The following ARFGAP1 variants were observed in gnomAD, a reference collection of about 807,000 sequenced individuals.
ARFGAP1 encodes ADP-ribosylation factor GTPase-activating protein 1.
Under a neutral mutation model 54.0 loss-of-function variants are expected in ARFGAP1, and 26 were observed. The ratio of observed to expected loss-of-function variants is 0.48; its 90% CI spans 0.35 to 0.67. The LOEUF is 0.67. ARFGAP1 is among the 30% of genes least tolerant of loss of function. ARFGAP1 has a pLI of 0.00. For synonymous variants in ARFGAP1, 248 were observed against 211.9 expected, an observed-to-expected ratio of 1.17 and a Z score of -1.48; for missense variants, 525 against 535.8, an observed-to-expected ratio of 0.98 and a Z score of 0.20.
At position 63,276,269 on chromosome 20, in the gene ARFGAP1, A is replaced by C; in HGVS notation, c.170+69A>C. ...CCCCAGCATCTGTTCCTGACACCAG[A>C]GGTGCTGACGCCAGGGAAGCTTGGG... On this transcript the variant is annotated intron_variant, in intron 3 of 12. Transcript: ENST00000370283. The surrounding 1 kb of genome is among the most constrained non-coding windows in gnomAD (Gnocchi z 5.2). The C allele has an allele frequency of 6.4e-7, 1 of 1,557,048 alleles. No individual in the cohort carries two copies. The highest frequency in any genetic ancestry group is 1.1e-5 in the South Asian group (1 of 89,692).
intron 7 of ARFGAP1, chr20:63,279,249 A>G (rs1276906556): frequency 5.2e-6 from 3 of 571,656 alleles, no homozygotes; most frequent in Non-Finnish European, 9.8e-6. Flanking sequence ...CCCAGGCTGC[A>G]GACTGGAGGG....
rs572015607 is a variant in ARFGAP1 at position 63,276,830 on chromosome 20, A to C, written c.342+179A>C. On this transcript the variant is annotated intron_variant, in intron 4 of 12. Transcript: ENST00000370283. The surrounding 1 kb of genome is among the most constrained non-coding windows in gnomAD (Gnocchi z 5.2). ...AGGCTTCCTGCCCAGAGGGGAGGCA[A>C]ATGGCTTGCGGGGGGAGACAGACCT... is the stretch of plus-strand genomic sequence containing the variant. 1.5e-6 allele frequency: 1 copy of C among 684,372 alleles called. No individual in the cohort carries two copies. Among genetic ancestry groups the C allele is most frequent in the African/African-American group, 1.8e-5 (1 of 55,556 alleles). The allele number at this position is 684,372 out of a possible 1,614,324, so 42.4% of individuals were successfully genotyped here.
intron 9 of ARFGAP1, chr20:63,284,111 C>CA: frequency 7.5e-7 from 1 of 1,328,644 alleles, no homozygotes; most frequent in South Asian, 2.0e-5. Flanking sequence ...TCCCCCCGGG[C>CA]AAAAAAATGA....
In ARFGAP1 at chr20:63,286,377, C is replaced by T. The variant is rs148572853; in HGVS notation, c.846C>T (p.Val282=). Residue 282 remains valine (V), a synonymous_variant, in exon 12 of 13, where the codon GTC becomes GTT. Transcript: ENST00000370283. ...CCGTCTCCTTCCAGGTCCAGGGAGT[C>T]GGTAGTAAGGGATGGCGGGACGTCA... ...VSQLASKVQG[V]GSKGWRDVTT... The T allele has an allele frequency of 4.5e-5, 73 of 1,613,324 alleles. No individual in the cohort carries two copies. Among genetic ancestry groups the T allele is most frequent in the Admixed American group, 2.5e-4 (15 of 60,002 alleles).
chr20:63,285,685 C>T lies in ARFGAP1; in HGVS notation c.806C>T (p.Ser269Phe). 6.2e-7 allele frequency: 1 copy of T among 1,613,672 alleles called. No homozygotes were observed. Among genetic ancestry groups the T allele is most frequent in the Non-Finnish European group, 8.5e-7 (1 of 1,179,998 alleles). ...GAGGGAAAGATTTTTGATGATGTCTCCAGTGGGGTCTCTCAGTTGGCGTCC... is the reference window on the plus strand; with the variant it reads ...GAGGGAAAGATTTTTGATGATGTCTTCAGTGGGGTCTCTCAGTTGGCGTCC... ...VKEGKIFDDV[S>F]SGVSQLASKV... The change falls in exon 11 of 13, where the codon TCC (serine) becomes TTC (phenylalanine). Residue 269 changes from serine (S) to phenylalanine (F), a missense_variant. Physicochemically the swap from Ser to Phe is radical, Grantham distance 155 (BLOSUM62 -2). This residue lies in a region of ARFGAP1 where 466 missense variants were observed against 453.6 expected (regional missense o/e 1.03). Coordinates refer to ENST00000370283, the MANE Select transcript of ARFGAP1 (RefSeq NM_018209.4).
At chr20:63,278,263 T>TAGGGTTCA in intron 6 of ARFGAP1, 60 bp downstream of exon 6, 2 of 1,564,398 alleles carry the variant, frequency 1.3e-6, no homozygotes, top group Non-Finnish European at 1.7e-6. Context: ...TTCAGTCTGG[T>TAGGGTTCA]GGGTAGGGCT....
At position 63,276,270 on chromosome 20, in the gene ARFGAP1, G is replaced by C; in HGVS notation, c.170+70G>C. The stretch of plus-strand genomic sequence containing the variant: ...CCCAGCATCTGTTCCTGACACCAGA[G>C]GTGCTGACGCCAGGGAAGCTTGGGG... On this transcript the variant is annotated intron_variant, in intron 3 of 12. Coordinates refer to ENST00000370283, the MANE Select transcript of ARFGAP1 (RefSeq NM_018209.4). The surrounding 1 kb of genome is among the most constrained non-coding windows in gnomAD (Gnocchi z 5.2). The C allele has an allele frequency of 6.4e-7, 1 of 1,554,294 alleles. No homozygotes were observed. The highest frequency in any genetic ancestry group is 8.9e-7 in the Non-Finnish European group (1 of 1,129,118).
chr20:63,274,808 G>A (rs180824700), intron 1 of ARFGAP1, among the ~76,000 whole-genome samples: 2 of 152,318 alleles, frequency 1.3e-5, no homozygotes, highest in East Asian at 3.9e-4. Flanking sequence ...TGAATTAGAT[G>A]GGCCACCAGT....
intron 11 of ARFGAP1, chr20:63,286,097 G>C: frequency 1.3e-6 from 2 of 1,550,090 alleles, no homozygotes; most frequent in Non-Finnish European, 1.7e-6. Flanking sequence ...GGAAGAGCAG[G>C]CCTCGCTCCT....
At position 63,275,651 on chromosome 20, in the gene ARFGAP1, GC is replaced by G. The variant is rs752338529; in HGVS notation, c.60+17del. 9.9e-5 allele frequency: 160 copies of G among 1,613,262 alleles called. 2 individuals carry two copies. In the Admixed American group the frequency reaches 2.6e-3, roughly 26 times the overall value. On this transcript the variant is annotated intron_variant, in intron 2 of 12. Coordinates refer to ENST00000370283, the MANE Select transcript of ARFGAP1 (RefSeq NM_018209.4). Reference sequence around the variant, plus strand: ...CAGGATGAGAACAACGTAAGCCTCTGCCCCCCACCCCCCGCCCTAAGGCTTG... The same window carrying G: ...CAGGATGAGAACAACGTAAGCCTCTGCCCCCACCCCCCGCCCTAAGGCTTG...
chr20:63,285,515 CT>C (rs2067508648), intron 10 of ARFGAP1, 138 bp from the exon 11 acceptor site: 3 of 888,900 alleles, frequency 3.4e-6, no homozygotes, highest in Non-Finnish European at 5.4e-6. Flanking sequence ...CACTGTAGAA[CT>C]TTCTGGGGCT....
At chr20:63,278,840 C>T (rs1057494630) in intron 6 of ARFGAP1, 59 bp from the exon 7 acceptor site, 9 of 1,575,240 alleles carry the variant, frequency 5.7e-6, no homozygotes, top group Non-Finnish European at 8.7e-7. Flanking sequence ...GGCCCCACGC[C>T]CTCGGGAGGA....
At chr20:63,285,734 G>A (rs367964195) in intron 11 of ARFGAP1, 21 bp downstream of exon 11, 16 of 1,611,230 alleles carry the variant, frequency 9.9e-6, no homozygotes, top group African/African-American at 2.7e-5. Context: ...TGCCAGATAC[G>A]CGGGCACAGT....
intron 9 of ARFGAP1, chr20:63,283,117 G>A (rs535980049): frequency 2.2e-5 from 12 of 535,010 alleles, no homozygotes; most frequent in East Asian, 9.5e-5. Context: ...CACTGCAGCC[G>A]GCCACCTTGT....
intron 10 of ARFGAP1, 74 bp downstream of exon 10, chr20:63,284,996 G>C: frequency 6.4e-7 from 1 of 1,558,766 alleles, no homozygotes; most frequent in Non-Finnish European, 8.8e-7. Flanking sequence ...GGGGTGTTAG[G>C]GGGATTGTTT....
intron 1 of ARFGAP1, among the ~76,000 whole-genome samples, chr20:63,274,387 G>GTTTTTGT (rs1291023750): frequency 3.0e-5 from 4 of 134,124 alleles, no homozygotes; most frequent in Admixed American, 2.9e-4. Context: ...TAAGACAGAG[G>GTTTTTGT]TTTTTGTTTT....
rs773264260 is a variant in ARFGAP1, at chr20:63,277,252, T to C, written c.390T>C (p.Pro130=). Residue 130 remains proline (P), a synonymous_variant, in exon 5 of 13, where the codon CCT becomes CCC. Coordinates refer to ENST00000370283, the MANE Select transcript of ARFGAP1 (RefSeq NM_018209.4). ...GAGAGTGGTCTCTGGAGTCATCACCTGCCCAGAACTGGACCCCACCTCAGC... is the reference window on the plus strand; with the variant it reads ...GAGAGTGGTCTCTGGAGTCATCACCCGCCCAGAACTGGACCCCACCTCAGC... The part of the protein sequence containing the change: ...EGREWSLESS[P]AQNWTPPQPR... 7 of 1,613,146 alleles carry C rather than the reference T, an allele frequency of 4.3e-6. No individual in the cohort carries two copies. In the East Asian group the frequency reaches 1.6e-4, roughly 36 times the overall value.
rs772203083 is a variant in ARFGAP1 at position 63,288,372 on chromosome 20, C to A, written c.*499C>A. The A allele has an allele frequency of 2.0e-5, 9 of 456,436 alleles. No individual in the cohort carries two copies. The highest frequency in any genetic ancestry group is 1.4e-4 in the South Asian group (9 of 64,576). The allele number at this position is 456,436 out of a possible 1,614,324, so 28.3% of individuals were successfully genotyped here. A position where few individuals can be genotyped will look rare whatever the true frequency, so the allele number is the denominator to read the frequency against. ...ATGGAAATGCTGGAAATGATACTGG[C>A]GCTCACGCTGCCATCCGACCACCCT... On this transcript the variant is annotated 3_prime_UTR_variant, in exon 13 of 13. Coordinates refer to ENST00000370283, the MANE Select transcript of ARFGAP1 (RefSeq NM_018209.4).
At chr20:63,281,154 A>G in intron 7 of ARFGAP1, 137 bp from the exon 8 acceptor site, 3 of 830,994 alleles carry the variant, frequency 3.6e-6, no homozygotes, top group Non-Finnish European at 5.6e-6. Flanking sequence ...CTGGAGAAGC[A>G]GGCGCGGTGG....
Sources: allele counts gnomAD v4.1 joint callset (sites outside exome capture counted in the v4.1 genomes callset), GRCh38; gene constraint gnomAD v4.1.1; regional missense constraint gnomAD v4.1.1; non-coding constraint Gnocchi (gnomAD v3.1); transcripts MANE v1.5; gene names NCBI Gene and HGNC (gene_info 2026-07-23, HGNC 2026-07-21).